The following KLHL13 variants were observed in gnomAD, a reference collection of about 807,000 sequenced individuals.
The protein encoded by KLHL13 is kelch-like protein 13.
In KLHL13, 10 loss-of-function variants were observed where a neutral mutation model predicts 37.1. The observed-to-expected ratio is 0.27, with a 90% confidence interval of 0.17 to 0.46. KLHL13 has a LOEUF of 0.46. Among genes scored for constraint, KLHL13 ranks in the 20% least tolerant of loss-of-function variants. KLHL13 has a pLI of 1.00. For missense variants in KLHL13, 360 were observed against 509.3 expected (o/e 0.71, Z 2.82); for synonymous variants, 163 against 181.2 (o/e 0.90, Z 0.81).
chrX:117,983,448 A>AT, intron 1 of KLHL13: 1 of 936,145 alleles, frequency 1.1e-6, no homozygotes, highest in Non-Finnish European at 1.4e-6. Context: ...AAAAAAAAAA[A>AT]GGTGAGGAAA....
At chrX:117,986,986 ATCTTAGTAACT>A (rs1569433975) in intron 1 of KLHL13, among the ~76,000 whole-genome samples, 2 of 111,227 alleles carry the variant, frequency 1.8e-5, no homozygotes, top group Non-Finnish European at 3.8e-5. Context: ...GTGCACGCTA[ATCTTAGTAACT>A]TCCTTCACCA....
At chrX:117,966,650 C>G (rs1602606529) in intron 1 of KLHL13, among the ~76,000 whole-genome samples, 1 of 111,131 alleles carries the variant, frequency 9.0e-6, no homozygotes. Context: ...CGCTACCTGA[C>G]TTCAAACTAT....
chrX:118,043,856 CATT>C (rs2054530519), intron 1 of KLHL13, among the ~76,000 whole-genome samples: 2 of 111,527 alleles, frequency 1.8e-5, no homozygotes, highest in Admixed American at 9.5e-5. Flanking sequence ...CCACTTTCAC[CATT>C]GTTATTCAAC....
chrX:118,035,296 G>A (rs2054423164), intron 1 of KLHL13, among the ~76,000 whole-genome samples: 1 of 102,053 alleles, frequency 9.8e-6, no homozygotes. Flanking sequence ...CCAATAAAGA[G>A]AATTTTAGAC....
Position 117,945,417 on chromosome X carries a change from G to T in KLHL13, c.240+17C>A. ...TTAAAGCTACGTAAACACTACCAAA[G>T]AGACAGCTTAAATTACCTGTAACAC... is the stretch of plus-strand genomic sequence containing the variant. On this transcript the variant is annotated intron_variant, in intron 2 of 6. Transcript: ENST00000262820. The T allele has an allele frequency of 8.3e-7, 1 of 1,204,233 alleles. No homozygotes were observed.
intron 2 of KLHL13, among the ~76,000 whole-genome samples, chrX:117,943,129 T>G (rs931146523): frequency 8.9e-6 from 1 of 111,741 alleles, no homozygotes; most frequent in Non-Finnish European, 1.9e-5. Flanking sequence ...AAAATTCTTT[T>G]GCTTAAGAAT....
intron 1 of KLHL13, among the ~76,000 whole-genome samples, chrX:118,092,112 A>G (rs188548777): frequency 2.6e-3 from 287 of 111,756 alleles, no homozygotes; most frequent in Non-Finnish European, 3.4e-3. Flanking sequence ...TACAGTGTAC[A>G]CTGCTTGAGT....
intron 1 of KLHL13, among the ~76,000 whole-genome samples, chrX:118,024,498 C>G: frequency 8.9e-6 from 1 of 111,789 alleles, no homozygotes; most frequent in South Asian, 3.7e-4. Flanking sequence ...ATTCACAGTA[C>G]AAATACCTAT....
chrX:118,054,206 T>A (rs1298820988), intron 1 of KLHL13, among the ~76,000 whole-genome samples: 3 of 111,258 alleles, frequency 2.7e-5, no homozygotes, highest in Non-Finnish European at 5.7e-5. Flanking sequence ...CAAGCTATAA[T>A]TCAATTTGCC....
At chrX:118,063,425 G>C (rs1468952331) in intron 1 of KLHL13, among the ~76,000 whole-genome samples, 1 of 111,126 alleles carries the variant, frequency 9.0e-6, no homozygotes, top group Non-Finnish European at 1.9e-5. Context: ...AACTACAGAG[G>C]ACAATTGGTT....
In KLHL13 at chrX:117,926,885, CTTTTTTTTTTTTTTTTTTTTTT is replaced by C. The variant is rs10596292; in HGVS notation, c.241-6537_241-6516del. ...AAGCTCCAGGAGAAGCCCCCTACTTCTTTTTTTTTTTTTTTTTTTTTTTTTTTTTTTTTTTTTTGAGATGGAG... is the reference window on the plus strand; with the variant it reads ...AAGCTCCAGGAGAAGCCCCCTACTTCTTTTTTTTTTTTTTTTGAGATGGAG... On this transcript the variant is annotated intron_variant, in intron 2 of 6. Coordinates refer to ENST00000262820, the Ensembl canonical transcript of KLHL13. Among the ~76,000 whole-genome samples the C allele has an allele frequency of 3.5e-3, 91 of 26,165 alleles. No homozygotes were observed. The South Asian group carries it at 0.054, about 16-fold the overall frequency. The allele number at this position is 26,165 out of a possible 115,157, so 22.7% of individuals were successfully genotyped here. A position where few individuals can be genotyped will look rare whatever the true frequency, so the allele number is the denominator to read the frequency against.
intron 1 of KLHL13, among the ~76,000 whole-genome samples, chrX:117,989,505 G>A (rs2053764493): frequency 9.2e-6 from 1 of 109,015 alleles, no homozygotes; most frequent in Non-Finnish European, 1.9e-5. Flanking sequence ...TCACATAAAT[G>A]GCTGGAGGAG....
At chrX:118,030,266 C>T (rs2054322376) in intron 1 of KLHL13, among the ~76,000 whole-genome samples, 1 of 111,882 alleles carries the variant, frequency 8.9e-6, no homozygotes, top group Non-Finnish European at 1.9e-5. Flanking sequence ...ATATTTTACA[C>T]ACTCTCACAT....
At chrX:118,058,258 TAC>T (rs1279634771) in intron 1 of KLHL13, among the ~76,000 whole-genome samples, 1 of 111,717 alleles carries the variant, frequency 9.0e-6, no homozygotes, top group African/African-American at 3.2e-5. Flanking sequence ...AATATGAAAC[TAC>T]AGAGTAGTAT....
intron 1 of KLHL13, among the ~76,000 whole-genome samples, chrX:118,058,953 C>T (rs931653253): frequency 8.9e-6 from 1 of 111,789 alleles, no homozygotes; most frequent in South Asian, 3.7e-4. Context: ...CTGACGCACA[C>T]CTTAGTCCTT....
At chrX:118,092,589 A>T (rs1169729268) in intron 1 of KLHL13, among the ~76,000 whole-genome samples, 3 of 112,128 alleles carry the variant, frequency 2.7e-5, no homozygotes, top group African/African-American at 9.7e-5. Flanking sequence ...AAAAGAGGGT[A>T]TCTTGGAACA....
At chrX:118,020,216 G>A (rs1236730090) in intron 1 of KLHL13, among the ~76,000 whole-genome samples, 1 of 109,007 alleles carries the variant, frequency 9.2e-6, no homozygotes, top group Non-Finnish European at 1.9e-5. Context: ...CACATCCCTT[G>A]TAAGTTGGAT....
chrX:117,961,279 A>G (rs1305651117), intron 1 of KLHL13, among the ~76,000 whole-genome samples: 1 of 112,110 alleles, frequency 8.9e-6, no homozygotes, highest in Non-Finnish European at 1.9e-5. Flanking sequence ...TGTAATGTTT[A>G]AACTATTATA....
At chrX:118,014,307 T>C (rs1322306513) in intron 1 of KLHL13, among the ~76,000 whole-genome samples, 2 of 111,685 alleles carry the variant, frequency 1.8e-5, no homozygotes, top group African/African-American at 6.5e-5. Context: ...ATGGTTGCTC[T>C]GGAAGTGTCT....
Sources: gnomAD v4.1 joint callset for allele counts (sites outside exome capture counted in the v4.1 genomes callset) on GRCh38, gnomAD v4.1.1 for gene constraint, MANE v1.5 for transcripts, NCBI Gene and HGNC (gene_info 2026-07-23, HGNC 2026-07-21) for gene names.